Variants in GPR161 observed in about 807,000 individuals in gnomAD.
The protein encoded by GPR161 is G protein-coupled receptor 161.
A neutral mutation model predicts 39.2 loss-of-function variants in GPR161; 25 were observed. The observed-to-expected ratio is 0.64, with a 90% CI of 0.47 to 0.89. The LOEUF (loss-of-function observed/expected upper bound fraction) is 0.89, where lower values mean the gene tolerates loss of function less well. Among genes scored for constraint, GPR161 ranks in the 40% least tolerant of loss-of-function variants. The pLI, the probability that GPR161 is intolerant of heterozygous loss-of-function variation, is 0.00. For missense variants in GPR161, 547 were observed against 677.8 expected (o/e 0.81, Z 2.14); for synonymous variants, 286 against 276.6 (o/e 1.03, Z -0.34).
At chr1:168,095,978 A>G (rs1468828616) in intron 3 of GPR161, among the ~76,000 whole-genome samples, 1 of 151,932 alleles carries the variant, frequency 6.6e-6, no homozygotes, top group African/African-American at 2.4e-5. Flanking sequence ...TACTAAAAAT[A>G]TAAAAAGTAG....
intron 2 of GPR161, among the ~76,000 whole-genome samples, chr1:168,101,212 T>C (rs1696074126): frequency 6.6e-6 from 1 of 152,124 alleles, no homozygotes; most frequent in African/African-American, 2.4e-5. Flanking sequence ...AGGTGCCATG[T>C]TGGTGTACTG....
chr1:168,136,650 CTCAGCCT>C (rs1699400692), intron 1 of GPR161, 82 bp downstream of exon 1: 1 of 1,204,494 alleles, frequency 8.3e-7, no homozygotes, highest in Admixed American at 4.4e-5. Flanking sequence ...GCCCTGAGCC[CTCAGCCT>C]CGCACAATGA....
chr1:168,113,622 G>C (rs532851132), intron 1 of GPR161, among the ~76,000 whole-genome samples: 2 of 152,302 alleles, frequency 1.3e-5, no homozygotes, highest in Non-Finnish European at 2.9e-5. Flanking sequence ...AGAAAATGTG[G>C]TACATATGCA....
chr1:168,136,942 G>C (rs1216937398), upstream of GPR161: 3 of 963,792 alleles, frequency 3.1e-6, no homozygotes, highest in African/African-American at 5.7e-5. Context: ...ACTTTGCGGC[G>C]CCCGCGCCCC....
At chr1:168,134,836 A>T in intron 1 of GPR161, 1 of 1,399,924 alleles carries the variant, frequency 7.1e-7, no homozygotes, top group Non-Finnish European at 9.8e-7. Flanking sequence ...CCTCCTGTCC[A>T]CCCGCCTCCT....
At chr1:168,136,038 T>G (rs912516006) in intron 1 of GPR161, 4 of 1,241,034 alleles carry the variant, frequency 3.2e-6, no homozygotes, top group Non-Finnish European at 4.0e-6. Context: ...CCATATGCCT[T>G]TGTCCAAAGG....
chr1:168,119,216 A>ACATATATATACG (rs1697899114), intron 1 of GPR161, among the ~76,000 whole-genome samples: 1 of 121,240 alleles, frequency 8.2e-6, no homozygotes, highest in African/African-American at 3.6e-5. Context: ...ATATGTATAC[A>ACATATATATACG]TATATATATA....
At chr1:168,111,274 A>G (rs1441758400) in intron 1 of GPR161, among the ~76,000 whole-genome samples, 1 of 152,102 alleles carries the variant, frequency 6.6e-6, no homozygotes, top group Non-Finnish European at 1.5e-5. Context: ...CTGGTGTCCA[A>G]CCCTCCTCCA....
intron 1 of GPR161, among the ~76,000 whole-genome samples, chr1:168,109,092 T>C (rs928385946): frequency 6.6e-6 from 1 of 152,074 alleles, no homozygotes; most frequent in Non-Finnish European, 1.5e-5. Context: ...GTCAGAAAGA[T>C]TAAGAAATTG....
chr1:168,117,784 T>C (rs1697760560), intron 1 of GPR161, among the ~76,000 whole-genome samples: 1 of 152,174 alleles, frequency 6.6e-6, no homozygotes, highest in East Asian at 1.9e-4. Context: ...TGCTACAAGG[T>C]TGAGCCTCAC....
At chr1:168,121,996 A>G (rs1032532543) in intron 1 of GPR161, among the ~76,000 whole-genome samples, 1 of 152,218 alleles carries the variant, frequency 6.6e-6, no homozygotes, top group African/African-American at 2.4e-5. Context: ...TGGTGCTTCA[A>G]TAGGCAACTG....
At chr1:168,116,545 A>G (rs189006759) in intron 1 of GPR161, among the ~76,000 whole-genome samples, 97 of 152,292 alleles carry the variant, frequency 6.4e-4, no homozygotes, top group Non-Finnish European at 7.5e-4. Flanking sequence ...AGGGAACCCT[A>G]CTCTCATTCC....
At chr1:168,125,188 A>C (rs1398396618) in intron 1 of GPR161, among the ~76,000 whole-genome samples, 1 of 152,208 alleles carries the variant, frequency 6.6e-6, no homozygotes, top group Non-Finnish European at 1.5e-5. Context: ...AAAGGTCTGC[A>C]TAAAGTAAAA....
At chr1:168,131,250 A>G (rs1420665323) in intron 1 of GPR161, among the ~76,000 whole-genome samples, 1 of 150,634 alleles carries the variant, frequency 6.6e-6, no homozygotes, top group Non-Finnish European at 1.5e-5. Context: ...TCTCCTCCCA[A>G]CTATTGCCAG....
intron 2 of GPR161, among the ~76,000 whole-genome samples, chr1:168,101,975 TGTATTTTA>T (rs936874130): frequency 2.6e-5 from 4 of 152,110 alleles, no homozygotes; most frequent in Admixed American, 2.6e-4. Context: ...AGCTAATTTT[TGTATTTTA>T]GTAGAGATGG....
chr1:168,118,021 G>C (rs1053202674), intron 1 of GPR161, among the ~76,000 whole-genome samples: 5 of 152,176 alleles, frequency 3.3e-5, no homozygotes, highest in Non-Finnish European at 7.3e-5. Context: ...AGAAGAGATT[G>C]AGGCTCAGAA....
At chr1:168,111,583 G>C (rs142058419) in intron 1 of GPR161, among the ~76,000 whole-genome samples, 2 of 152,362 alleles carry the variant, frequency 1.3e-5, no homozygotes, top group African/African-American at 2.4e-5. Flanking sequence ...AACATGCTGA[G>C]CATGGCTGAA....
intron 1 of GPR161, chr1:168,134,952 C>T: frequency 6.5e-7 from 1 of 1,535,722 alleles, no homozygotes; most frequent in Non-Finnish European, 8.7e-7. Flanking sequence ...CCCATTCTGT[C>T]TTCCTCGGAA....
At chr1:168,108,952 C>T (rs1030339253) in intron 1 of GPR161, among the ~76,000 whole-genome samples, 5 of 152,180 alleles carry the variant, frequency 3.3e-5, no homozygotes, top group East Asian at 1.9e-4. Context: ...GGGAGATAAA[C>T]GATACAAATT....
Sources: allele counts gnomAD v4.1 joint callset (sites outside exome capture counted in the v4.1 genomes callset), GRCh38; gene constraint gnomAD v4.1.1; transcripts MANE v1.5; gene names NCBI Gene and HGNC (gene_info 2026-07-23, HGNC 2026-07-21).